The following CR2 variants were observed in gnomAD, a reference collection of about 807,000 sequenced individuals.
The protein encoded by CR2 is complement C3d receptor 2, also known as complement receptor type 2.
In CR2, 96 loss-of-function variants were observed where a neutral mutation model predicts 123.0. The observed-to-expected ratio is 0.78, with a 90% CI of 0.66 to 0.93. CR2 has a LOEUF of 0.93. CR2 is among the 40% of genes least tolerant of loss of function. CR2 has a pLI of 0.00. For synonymous variants in CR2, 484 were observed against 469.5 expected, an observed-to-expected ratio of 1.03 and a Z score of -0.40; for missense variants, 1,258 against 1,361.0, an observed-to-expected ratio of 0.92 and a Z score of 1.19.
At chr1:207,486,335 G>C (rs1436541898) in intron 19 of CR2, among the ~76,000 whole-genome samples, 1 of 151,620 alleles carries the variant, frequency 6.6e-6, no homozygotes, top group African/African-American at 2.4e-5. Context: ...GTGTGTGCCA[G>C]CTGTGTTGGC....
At chr1:207,473,961 T>C (rs1448999471) in intron 12 of CR2, 76 bp downstream of exon 12, 3 of 1,385,190 alleles carry the variant, frequency 2.2e-6, no homozygotes, top group Non-Finnish European at 3.1e-6. Flanking sequence ...CAACTTGTCT[T>C]GGTGGCATCC....
At chr1:207,486,537 A>C (rs1658754627) in intron 19 of CR2, among the ~76,000 whole-genome samples, 1 of 144,522 alleles carries the variant, frequency 6.9e-6, no homozygotes, top group Non-Finnish European at 1.5e-5. Context: ...GGAAGCTTTT[A>C]AGGAGAGGAG....
chr1:207,459,196 T>C (rs1572945723), intron 1 of CR2, among the ~76,000 whole-genome samples: 1 of 152,204 alleles, frequency 6.6e-6, no homozygotes, highest in African/African-American at 2.4e-5. Context: ...TCTTGTAGGG[T>C]TGCAGTGGCT....
At chr1:207,463,062 ACAAAAAGTCTC>A (rs1436792772) in intron 1 of CR2, among the ~76,000 whole-genome samples, 3 of 152,212 alleles carry the variant, frequency 2.0e-5, no homozygotes, top group South Asian at 2.1e-4. Flanking sequence ...AATATAAAAC[ACAAAAAGTCTC>A]CAAAAAGTCT....
At position 207,489,210 on chromosome 1, in the gene CR2, C is replaced by G. The variant is rs1473510918; in HGVS notation, c.*87C>G. 1 of 152,190 alleles carries G rather than the reference C, an allele frequency of 6.6e-6. No homozygotes were observed. The highest frequency in any genetic ancestry group is 2.1e-4 in the South Asian group (1 of 4,828). The allele number at this position is 152,190 out of a possible 1,614,324, so 9.4% of individuals were successfully genotyped here. A position where few individuals can be genotyped will look rare whatever the true frequency, so the allele number is the denominator to read the frequency against. On this transcript the variant is annotated 3_prime_UTR_variant, in exon 20 of 20. Transcript: ENST00000367057. ...AAACTGCTCTAATATCAGCAAGTCT[C>G]TTTATATGGCCTCAAGATCAATGAA...
chr1:207,471,174 C>A, intron 8 of CR2, 87 bp downstream of exon 8: 1 of 1,309,794 alleles, frequency 7.6e-7, no homozygotes, highest in Non-Finnish European at 1.1e-6. Context: ...TCAGTACACC[C>A]TGCAAGCTCT....
At chr1:207,461,793 G>T (rs1361236638) in intron 1 of CR2, among the ~76,000 whole-genome samples, 2 of 152,166 alleles carry the variant, frequency 1.3e-5, no homozygotes, top group Non-Finnish European at 2.9e-5. Flanking sequence ...GTTCTGTAAA[G>T]GTGAGTAATC....
Position 207,471,042 on chromosome 1 carries a change from A to G in CR2, c.1448A>G (p.Gln483Arg). The change falls in exon 8 of 20, where the codon CAG (glutamine) becomes CGG (arginine). Residue 483 changes from glutamine to arginine, a missense_variant. By Grantham distance (43) the Gln-to-Arg change is conservative. Transcript: ENST00000367057. ...GGAAGGCAACTCTTGACAAAACCCC[A>G]GCACCAATTTGTTAGACCAGATGTC... ...ATGRQLLTKP[Q>R]HQFVRPDVNS... 1 of 1,613,794 alleles carries G rather than the reference A, an allele frequency of 6.2e-7. No homozygotes were observed. The highest frequency in any genetic ancestry group is 8.5e-7 in the Non-Finnish European group (1 of 1,179,844).
chr1:207,454,974 G>C lies in CR2; in HGVS notation c.58+498G>C, dbSNP rs1657798676. The C allele has an allele frequency of 6.4e-6, 1 of 155,354 alleles. No homozygotes were observed. Among genetic ancestry groups the C allele is most frequent in the Non-Finnish European group, 1.4e-5 (1 of 70,130 alleles). 9.6% of individuals were successfully genotyped at this position (155,354 alleles called of 1,614,324 possible). ...AATAAGAGTAAGACCTGGTTCCCAA[G>C]CATGGGTCTCAGATTTTCTGAACTC... is the stretch of plus-strand genomic sequence containing the variant. On this transcript the variant is annotated intron_variant, in intron 1 of 19. Coordinates refer to ENST00000367057, the MANE Select transcript of CR2 (RefSeq NM_001006658.3). This position sits in a 1 kb window ranked among gnomAD's most constrained non-coding sequence, Gnocchi z 4.3.
chr1:207,470,814 T>A lies in CR2; in HGVS notation c.1300T>A (p.Ser434Thr), dbSNP rs1209951988. 4 of 1,613,484 alleles carry A rather than the reference T, an allele frequency of 2.5e-6. No individual in the cohort carries two copies. Among genetic ancestry groups the A allele is most frequent in the Non-Finnish European group, 3.4e-6 (4 of 1,179,592 alleles). The change falls in exon 7 of 20, where the codon TCT becomes ACT. Residue 434 changes from serine to threonine, a missense_variant. Ser to Thr is a moderately conservative substitution (Grantham distance 58). Coordinates refer to ENST00000367057, the MANE Select transcript of CR2 (RefSeq NM_001006658.3). ...CATGGTCCGCTTTGACCCTGGAACA[T>A]CTATAAAATATAGCTGTAACCCTGG... ...RHMVRFDPGT[S>T]IKYSCNPGYV...
chr1:207,458,075 C>CACACACAT lies in CR2; in HGVS notation c.58+3606_58+3607insTACACACA, dbSNP rs1222448963. Among the ~76,000 whole-genome samples, 25 of 150,350 alleles carry CACACACAT rather than the reference C, an allele frequency of 1.7e-4. 1 individual carries two copies. The highest frequency in any genetic ancestry group is 5.7e-4 in the African/African-American group (23 of 40,664). ...CAAGGCCACAACACACACACACACA[C>CACACACAT]ACACACACACACACACACACACACT... On this transcript the variant is annotated intron_variant, in intron 1 of 19. Coordinates refer to ENST00000367057, the MANE Select transcript of CR2 (RefSeq NM_001006658.3).
At chr1:207,464,237 C>G (rs1658033493) in intron 1 of CR2, among the ~76,000 whole-genome samples, 1 of 152,156 alleles carries the variant, frequency 6.6e-6, no homozygotes, top group Non-Finnish European at 1.5e-5. Flanking sequence ...TTGCTACTTC[C>G]TATTTAGAAT....
chr1:207,475,837 G>A (rs111728243), intron 14 of CR2, among the ~76,000 whole-genome samples: 14 of 152,222 alleles, frequency 9.2e-5, no homozygotes, highest in African/African-American at 3.1e-4. Flanking sequence ...GAGCTGAGCA[G>A]TGGCTGCCAC....
chr1:207,467,898 A>C (rs998967977), intron 2 of CR2, among the ~76,000 whole-genome samples: 2 of 152,240 alleles, frequency 1.3e-5, no homozygotes, highest in African/African-American at 4.8e-5. Flanking sequence ...TGTATCATGC[A>C]TAGGATCCCA....
chr1:207,486,275 T>C (rs558899752), intron 19 of CR2, among the ~76,000 whole-genome samples: 143 of 130,736 alleles, frequency 1.1e-3, no homozygotes, highest in Middle Eastern at 4.7e-3. Context: ...TGTGGCCATA[T>C]GAGGGAGGAG....
chr1:207,458,075 C>CACACACACACACATACACACACACACAT (rs1657881277), intron 1 of CR2, among the ~76,000 whole-genome samples: 1 of 150,236 alleles, frequency 6.7e-6, no homozygotes, highest in African/African-American at 2.5e-5. Flanking sequence ...CACACACACA[C>CACACACACACACATACACACACACACAT]ACACACACAC....
At chr1:207,479,078 C>T (rs1254476533) in intron 16 of CR2, among the ~76,000 whole-genome samples, 179 bp from the exon 17 acceptor site, 1 of 152,128 alleles carries the variant, frequency 6.6e-6, no homozygotes, top group Non-Finnish European at 1.5e-5. Context: ...CCCACCTTGG[C>T]CTCTCAAAGT....
At chr1:207,465,285 A>C (rs1247260708) in intron 1 of CR2, among the ~76,000 whole-genome samples, 1 of 152,204 alleles carries the variant, frequency 6.6e-6, no homozygotes, top group East Asian at 1.9e-4. Context: ...TTGCAGATGT[A>C]GGACTTTTTC....
Position 207,474,956 on chromosome 1 carries a change from T to G in CR2, c.2456T>G (p.Leu819Trp). The change falls in exon 14 of 20, where the codon TTG becomes TGG. Residue 819 changes from leucine (L) to tryptophan (W), a missense_variant. Coordinates refer to ENST00000367057, the MANE Select transcript of CR2 (RefSeq NM_001006658.3). ...TTCTATCTCCTGGGAGAGAAAAAAT[T>G]GCAGTGCAGAAGTGATTCTAAAGGA... ...QGFYLLGEKK[L>W]QCRSDSKGHG... 1 of 1,614,144 alleles carries G rather than the reference T, an allele frequency of 6.2e-7. No homozygotes were observed. The highest frequency in any genetic ancestry group is 8.5e-7 in the Non-Finnish European group (1 of 1,180,000).
Sources: gnomAD v4.1 joint callset for allele counts (sites outside exome capture counted in the v4.1 genomes callset) on GRCh38, gnomAD v4.1.1 for gene constraint, Gnocchi (gnomAD v3.1) non-coding constraint, MANE v1.5 for transcripts, NCBI Gene and HGNC (gene_info 2026-07-23, HGNC 2026-07-21) for gene names.